CFAP47: variants seen among roughly 807,000 people sequenced by gnomAD.
CFAP47 encodes the protein cilia- and flagella-associated protein 47.
In CFAP47, 29 loss-of-function variants were observed where a neutral mutation model predicts 148.1. The ratio of observed to expected loss-of-function variants is 0.20; its 90% CI spans 0.15 to 0.27. The LOEUF is 0.27. Among genes scored for constraint, CFAP47 ranks in the 10% least tolerant of loss-of-function variants. The probability of loss-of-function intolerance (pLI) is 1.00; values close to 1 mark genes in which losing one functional copy is unlikely to be tolerated. For missense variants in CFAP47, 1,872 were observed against 1,697.5 expected (o/e 1.10, Z -1.81); for synonymous variants, 664 against 577.3 (o/e 1.15, Z -2.15).
chrX:35,998,979 T>A (rs1569228599), intron 19 of CFAP47, among the ~76,000 whole-genome samples: 1 of 111,494 alleles, frequency 9.0e-6, no homozygotes, highest in Admixed American at 9.6e-5. Flanking sequence ...TAGCTGACTT[T>A]AAAAAATAAT....
chrX:35,994,543 A>G (rs1285540398), intron 18 of CFAP47, among the ~76,000 whole-genome samples: 1 of 111,429 alleles, frequency 9.0e-6, no homozygotes, highest in Non-Finnish European at 1.9e-5. Flanking sequence ...TATAATAAAA[A>G]CTGATTTCCC....
In CFAP47 at chrX:36,130,730, G is replaced by A. The variant is rs146882774; in HGVS notation, c.5321-7228G>A. 7.9e-3 allele frequency among the ~76,000 whole-genome samples: 875 copies of A among 110,727 alleles called. 6 individuals carry two copies. The highest frequency in any genetic ancestry group is 0.028 in the Middle Eastern group (6 of 212). ...AAAATGTGGTACATACACACAATGG[G>A]GTACTATTCAGCCATAAAAAAGAAC... On this transcript the variant is annotated intron_variant, in intron 33 of 63. Transcript: ENST00000378653.
At chrX:36,040,313 T>C (rs1414276981) in intron 25 of CFAP47, among the ~76,000 whole-genome samples, 1 of 112,156 alleles carries the variant, frequency 8.9e-6, no homozygotes, top group African/African-American at 3.2e-5. Flanking sequence ...TAAAATAGTC[T>C]TAAAATGTGT....
intron 51 of CFAP47, among the ~76,000 whole-genome samples, chrX:36,293,954 A>G (rs1359023127): frequency 1.8e-5 from 2 of 111,393 alleles, no homozygotes; most frequent in Non-Finnish European, 3.8e-5. Flanking sequence ...ATGCACTTTC[A>G]TCGGCACAAG....
At chrX:36,111,948 G>A (rs1938562468) in intron 33 of CFAP47, among the ~76,000 whole-genome samples, 1 of 111,347 alleles carries the variant, frequency 9.0e-6, no homozygotes, top group South Asian at 3.8e-4. Context: ...TGGGGTGACT[G>A]ATACCCTTTG....
At chrX:36,310,581 G>A (rs1941385927) in intron 55 of CFAP47, among the ~76,000 whole-genome samples, 2 of 109,431 alleles carry the variant, frequency 1.8e-5, no homozygotes, top group Non-Finnish European at 3.8e-5. Context: ...ATAACTTTAT[G>A]TGCATTGAAA....
chrX:36,101,431 A>G (rs1938374206), intron 32 of CFAP47, among the ~76,000 whole-genome samples: 1 of 111,901 alleles, frequency 8.9e-6, no homozygotes, highest in Non-Finnish European at 1.9e-5. Context: ...GGCAAGGACC[A>G]TTTCAATACA....
In CFAP47 at chrX:35,966,738, G is replaced by C. The variant is rs752521489; in HGVS notation, c.1584G>C (p.Val528=). The C allele has an allele frequency of 8.8e-7, 1 of 1,129,961 alleles. No homozygotes were observed. Among genetic ancestry groups the C allele is most frequent in the East Asian group, 3.3e-5 (1 of 30,691 alleles). 93.1% of individuals were successfully genotyped at this position (1,129,961 alleles called of 1,213,427 possible). ...SICKASTKKV[V]MKFDPGILPS... ...GTAAAGCTTCCACCAAGAAAGTTGT[G>C]ATGAAATTTGATCCTGGTATGCTAT... The change falls in exon 9 of 64, where the codon GTG becomes GTC. Residue 528 remains valine, a synonymous_variant. Coordinates refer to ENST00000378653, the MANE Select transcript of CFAP47 (RefSeq NM_001304548.2).
chrX:36,317,660 C>T (rs1210670614), intron 56 of CFAP47, among the ~76,000 whole-genome samples: 5 of 108,435 alleles, frequency 4.6e-5, no homozygotes, highest in Admixed American at 3.0e-4. Context: ...CCTCATGATC[C>T]GCCCACCTCG....
intron 57 of CFAP47, among the ~76,000 whole-genome samples, chrX:36,328,670 C>A (rs1382081909): frequency 3.6e-4 from 39 of 107,043 alleles, no homozygotes; most frequent in African/African-American, 1.1e-3. Flanking sequence ...ATTAGCCGGG[C>A]GCGGTGGCGG....
chrX:36,006,736 TTTA>T (rs1008944932), intron 21 of CFAP47, among the ~76,000 whole-genome samples: 15 of 112,082 alleles, frequency 1.3e-4, no homozygotes, highest in African/African-American at 4.8e-4. Flanking sequence ...AATGGATTTG[TTTA>T]TTTTCTGTAA....
chrX:35,969,125 A>G (rs1213220077), intron 10 of CFAP47, among the ~76,000 whole-genome samples: 1 of 111,066 alleles, frequency 9.0e-6, no homozygotes, highest in African/African-American at 3.3e-5. Context: ...AAGGCCAAGT[A>G]TTTACTATTT....
At chrX:36,304,817 C>T (rs1182826416) in intron 54 of CFAP47, among the ~76,000 whole-genome samples, 3 of 111,916 alleles carry the variant, frequency 2.7e-5, no homozygotes, top group Middle Eastern at 4.6e-3. Flanking sequence ...CTAAATCACT[C>T]TTCTCCTTCC....
At chrX:35,967,464 C>G (rs1016414566) in intron 9 of CFAP47, among the ~76,000 whole-genome samples, 155 bp from the exon 10 acceptor site, 14 of 109,999 alleles carry the variant, frequency 1.3e-4, no homozygotes, top group African/African-American at 4.6e-4. Flanking sequence ...TTGTGTAGGT[C>G]TTTTTTATTA....
intron 33 of CFAP47, among the ~76,000 whole-genome samples, chrX:36,120,628 A>G (rs957254254): frequency 1.8e-5 from 2 of 111,723 alleles, no homozygotes; most frequent in Admixed American, 1.9e-4. Flanking sequence ...TCCACTGGTC[A>G]TTGAAAACAT....
intron 51 of CFAP47, among the ~76,000 whole-genome samples, chrX:36,296,835 T>C (rs1941247145): frequency 8.9e-6 from 1 of 111,944 alleles, no homozygotes. Context: ...TTCTAGTGGT[T>C]GTTATTTTTG....
chrX:36,303,921 T>C lies in CFAP47; in HGVS notation c.8043T>C (p.Asn2681=). 8.8e-7 allele frequency: 1 copy of C among 1,138,883 alleles called. No individual in the cohort carries two copies. The highest frequency in any genetic ancestry group is 1.2e-6 in the Non-Finnish European group (1 of 851,727). 93.9% of individuals were successfully genotyped at this position (1,138,883 alleles called of 1,213,427 possible). A position where few individuals can be genotyped will look rare whatever the true frequency, so the allele number is the denominator to read the frequency against. The change falls in exon 54 of 64, where the codon AAT becomes AAC. Residue 2681 remains asparagine, a synonymous_variant. Transcript: ENST00000378653. ...ETLKLQVTNS[N]PENFVLDINR... ...TAAAATTGCAAGTAACAAACAGTAA[T>C]CCTGAAAATTTTGTCCTGGATATTA...
At chrX:36,257,553 A>T (rs940909286) in intron 49 of CFAP47, among the ~76,000 whole-genome samples, 3 of 109,382 alleles carry the variant, frequency 2.7e-5, no homozygotes, top group South Asian at 4.0e-4. Flanking sequence ...CCTCCCATGT[A>T]GTTGGGACAA....
rs766447593 is a variant in CFAP47 at position 36,098,831 on chromosome X, T to G, written c.4955T>G (p.Phe1652Cys). ...TGTATTTCACATGTCCTGCCAGAATTTTTGCTTGAACCAGAAGATTATAAG... is the reference window on the plus strand; with the variant it reads ...TGTATTTCACATGTCCTGCCAGAATGTTTGCTTGAACCAGAAGATTATAAG... ...GGCISHVLPEFLLEPEDYKRW... is the reference protein window; with the variant it reads ...GGCISHVLPECLLEPEDYKRW... Residue 1652 changes from phenylalanine to cysteine, a missense_variant, in exon 31 of 64, where the codon TTT becomes TGT. By Grantham distance (205) the Phe-to-Cys change is radical. Coordinates refer to ENST00000378653, the MANE Select transcript of CFAP47 (RefSeq NM_001304548.2). 1 of 1,189,386 alleles carries G rather than the reference T, an allele frequency of 8.4e-7. No individual in the cohort carries two copies. The highest frequency in any genetic ancestry group is 1.8e-5 in the African/African-American group (1 of 56,714).
Sources: gnomAD v4.1 joint callset for allele counts (sites outside exome capture counted in the v4.1 genomes callset) on GRCh38, gnomAD v4.1.1 for gene constraint, MANE v1.5 for transcripts, NCBI Gene and HGNC (gene_info 2026-07-23, HGNC 2026-07-21) for gene names.